Variants in ATP8A2 observed in about 807,000 individuals in gnomAD.
ATP8A2 encodes ATPase phospholipid transporting 8A2, also known as phospholipid-transporting ATPase IB.
ATP8A2 carries 100 observed loss-of-function variants against 165.6 expected under a neutral mutation model. That is an observed-to-expected ratio of 0.60 (90% CI 0.51 to 0.71). The LOEUF is 0.71. ATP8A2 is among the 30% of genes least tolerant of loss of function. ATP8A2 has a pLI of 0.00. For missense variants in ATP8A2, 1,227 were observed against 1,479.5 expected (o/e 0.83, Z 2.80); for synonymous variants, 543 against 548.8 (o/e 0.99, Z 0.15).
At chr13:25,924,191 G>A (rs545656302) in intron 33 of ATP8A2, among the ~76,000 whole-genome samples, 1 of 152,300 alleles carries the variant, frequency 6.6e-6, no homozygotes, top group South Asian at 2.1e-4. Context: ...TAATGCAGTG[G>A]TCACAGACCT....
chr13:25,727,390 T>C (rs1403714529), intron 25 of ATP8A2, among the ~76,000 whole-genome samples: 1 of 152,192 alleles, frequency 6.6e-6, no homozygotes, highest in Admixed American at 6.5e-5. Context: ...GCAACGTTAC[T>C]ATTTGTGTTC....
At chr13:25,660,477 A>G (rs957112693) in intron 24 of ATP8A2, among the ~76,000 whole-genome samples, 1 of 152,152 alleles carries the variant, frequency 6.6e-6, no homozygotes, top group African/African-American at 2.4e-5. Flanking sequence ...GATCAATTTT[A>G]ATATCAAATC....
In ATP8A2 at chr13:25,551,386, A is replaced by G. The variant is rs904187520; in HGVS notation, c.940A>G (p.Asn314Asp). ...LKRSNVEKVT[N>D]VQILVLFGIL... ...GAGATCAAATGTTGAGAAGGTGACT[A>G]ACGTGCAGATCCTGGTGTTGTTTGG... Residue 314 changes from asparagine (N) to aspartate (D), a missense_variant, in exon 11 of 37, where the codon AAC (asparagine) becomes GAC (aspartate). Physicochemically the swap from Asn to Asp is conservative, Grantham distance 23. Transcript: ENST00000381655. 3.7e-6 allele frequency: 6 copies of G among 1,614,056 alleles called. No individual in the cohort carries two copies. The highest frequency in any genetic ancestry group is 5.1e-6 in the Non-Finnish European group (6 of 1,180,020).
intron 1 of ATP8A2, among the ~76,000 whole-genome samples, chr13:25,450,755 T>C (rs2035202284): frequency 6.6e-6 from 1 of 151,968 alleles, no homozygotes; most frequent in Non-Finnish European, 1.5e-5. Context: ...ATGGTCTCAA[T>C]CTCCTGACCT....
At chr13:25,907,499 C>T (rs1022016196) in intron 33 of ATP8A2, among the ~76,000 whole-genome samples, 2 of 152,226 alleles carry the variant, frequency 1.3e-5, no homozygotes, top group African/African-American at 4.8e-5. Context: ...AGACCTGTCT[C>T]TATCCCTTGC....
chr13:25,477,088 T>A (rs1479179857), intron 2 of ATP8A2, among the ~76,000 whole-genome samples: 1 of 152,214 alleles, frequency 6.6e-6, no homozygotes, highest in Non-Finnish European at 1.5e-5. Context: ...ATTTGGTGTT[T>A]CTAAGGAAAC....
At chr13:25,620,241 G>A (rs1194758713) in intron 24 of ATP8A2, among the ~76,000 whole-genome samples, 1 of 152,166 alleles carries the variant, frequency 6.6e-6, no homozygotes, top group Non-Finnish European at 1.5e-5. Context: ...TAGGGGATGG[G>A]TACAGCATTG....
chr13:25,721,900 A>G (rs901445037), intron 25 of ATP8A2, among the ~76,000 whole-genome samples: 1 of 152,218 alleles, frequency 6.6e-6, no homozygotes, highest in Non-Finnish European at 1.5e-5. Flanking sequence ...TAATGCTGCT[A>G]TGAACACGCA....
chr13:26,000,862 CA>C (rs1311052669), intron 35 of ATP8A2, among the ~76,000 whole-genome samples: 2 of 151,986 alleles, frequency 1.3e-5, no homozygotes, highest in Admixed American at 1.3e-4. Flanking sequence ...TTTTCTTTCT[CA>C]AAAAAATGTG....
chr13:25,533,380 T>C (rs1328439687), intron 6 of ATP8A2, 67 bp downstream of exon 6: 7 of 884,480 alleles, frequency 7.9e-6, no homozygotes, highest in Non-Finnish European at 1.3e-5. Flanking sequence ...TTGCTGGTCT[T>C]GATTGCAGTA....
chr13:25,920,847 T>C (rs1322358920), intron 33 of ATP8A2, among the ~76,000 whole-genome samples: 6 of 151,998 alleles, frequency 3.9e-5, no homozygotes, highest in Non-Finnish European at 8.8e-5. Context: ...GAGGCCGAGG[T>C]GGGTGAATCA....
At chr13:25,486,658 T>C (rs1232916900) in intron 2 of ATP8A2, among the ~76,000 whole-genome samples, 2 of 152,156 alleles carry the variant, frequency 1.3e-5, no homozygotes, top group Non-Finnish European at 2.9e-5. Flanking sequence ...CATATACCCG[T>C]GGAACAATTG....
chr13:25,796,644 T>C (rs1301877330), intron 27 of ATP8A2, among the ~76,000 whole-genome samples: 2 of 152,186 alleles, frequency 1.3e-5, no homozygotes, highest in Non-Finnish European at 2.9e-5. Flanking sequence ...GGGAAGTATT[T>C]CTCCACACTC....
In ATP8A2 at chr13:25,394,893, G is replaced by A. The variant is rs373851800; in HGVS notation, c.76+22605G>A. ...CTGCATGACAAGCCTTACTAAAGCA[G>A]CCTTATCTTCCATTAATTTCCCCAC... On this transcript the variant is annotated intron_variant, in intron 1 of 36. Transcript: ENST00000381655. Among the ~76,000 whole-genome samples the A allele has an allele frequency of 8.5e-5, 13 of 152,126 alleles. No individual in the cohort carries two copies. In the East Asian group the frequency reaches 1.2e-3, roughly 14 times the overall value.
At chr13:25,935,172 T>G (rs1311128778) in intron 33 of ATP8A2, among the ~76,000 whole-genome samples, 2 of 152,212 alleles carry the variant, frequency 1.3e-5, no homozygotes, top group African/African-American at 4.8e-5. Flanking sequence ...ACTCACCCTA[T>G]TAAATTATGG....
chr13:25,408,019 T>G (rs2033856114), intron 1 of ATP8A2, among the ~76,000 whole-genome samples: 1 of 152,116 alleles, frequency 6.6e-6, no homozygotes, highest in Non-Finnish European at 1.5e-5. Flanking sequence ...CCATGGCACA[T>G]GTATACCTAT....
intron 27 of ATP8A2, among the ~76,000 whole-genome samples, chr13:25,813,744 G>A (rs1327728065): frequency 6.6e-6 from 1 of 152,112 alleles, no homozygotes; most frequent in Non-Finnish European, 1.5e-5. Context: ...CAGGTATTTG[G>A]TCAACATTAT....
intron 2 of ATP8A2, among the ~76,000 whole-genome samples, chr13:25,520,093 T>C (rs1369410740): frequency 6.6e-6 from 1 of 152,202 alleles, no homozygotes; most frequent in Non-Finnish European, 1.5e-5. Context: ...ACCCTGCTGA[T>C]CTTTCAAATA....
At chr13:25,895,001 C>T (rs1266469586) in intron 33 of ATP8A2, among the ~76,000 whole-genome samples, 2 of 152,190 alleles carry the variant, frequency 1.3e-5, no homozygotes, top group Admixed American at 6.5e-5. Context: ...TTGACTTCCT[C>T]TTTTCCTAAT....
Sources: allele counts gnomAD v4.1 joint callset (sites outside exome capture counted in the v4.1 genomes callset), GRCh38; gene constraint gnomAD v4.1.1; transcripts MANE v1.5; gene names NCBI Gene and HGNC (gene_info 2026-07-23, HGNC 2026-07-21).